The following SEZ6L variants were observed in gnomAD, a reference collection of about 807,000 sequenced individuals.
SEZ6L encodes seizure 6-like protein.
A neutral mutation model predicts 106.2 loss-of-function variants in SEZ6L; 37 were observed. The observed-to-expected ratio is 0.35, with a 90% CI of 0.27 to 0.46. The LOEUF (loss-of-function observed/expected upper bound fraction) is 0.46, where lower values mean the gene tolerates loss of function less well. SEZ6L is among the 20% of genes least tolerant of loss of function. The pLI is 1.00. For missense variants in SEZ6L, 1,172 were observed against 1,332.8 expected (o/e 0.88, Z 1.88); for synonymous variants, 541 against 570.4 (o/e 0.95, Z 0.73).
At chr22:26,288,212 A>G (rs1236720240) in intron 1 of SEZ6L, among the ~76,000 whole-genome samples, 5 of 152,236 alleles carry the variant, frequency 3.3e-5, no homozygotes, top group Non-Finnish European at 5.9e-5. Flanking sequence ...TGCCAACTGC[A>G]TCCTTAGGCA....
At chr22:26,287,597 A>G (rs1229583357) in intron 1 of SEZ6L, among the ~76,000 whole-genome samples, 1 of 152,168 alleles carries the variant, frequency 6.6e-6, no homozygotes, top group Non-Finnish European at 1.5e-5. Flanking sequence ...TTTTGTCCCC[A>G]TGATGTAAGT....
intron 1 of SEZ6L, among the ~76,000 whole-genome samples, chr22:26,221,138 A>G (rs1043222404): frequency 3.9e-5 from 6 of 152,196 alleles, no homozygotes; most frequent in African/African-American, 1.4e-4. Context: ...AGTATTAAAT[A>G]CAACCCAGAT....
At chr22:26,374,969 A>G (rs573762642) in intron 14 of SEZ6L, among the ~76,000 whole-genome samples, 24 of 152,248 alleles carry the variant, frequency 1.6e-4, no homozygotes, top group Admixed American at 3.3e-4. Context: ...TCAGTCCCCA[A>G]TGCTCAGAGC....
intron 5 of SEZ6L, among the ~76,000 whole-genome samples, chr22:26,304,745 C>T (rs892343830): frequency 6.6e-6 from 1 of 152,076 alleles, no homozygotes; most frequent in Admixed American, 6.5e-5. Context: ...GTATGGCACA[C>T]TATTTTCTAA....
Position 26,297,102 on chromosome 22 carries a change from T to G in SEZ6L, c.1162+22T>G, listed in dbSNP as rs768184059. 9.6e-6 allele frequency: 15 copies of G among 1,562,904 alleles called. No individual in the cohort carries two copies. In the South Asian group the frequency reaches 1.7e-4, roughly 17 times the overall value. ...CAGGGTAGGGTCAGGCCAAGGCTGATGAAACATAGGCGTTTGCCTCAGTTT... is the reference window on the plus strand; with the variant it reads ...CAGGGTAGGGTCAGGCCAAGGCTGAGGAAACATAGGCGTTTGCCTCAGTTT... On this transcript the variant is annotated intron_variant, in intron 4 of 16. Transcript: ENST00000248933.
chr22:26,192,386 G>A (rs887778790), intron 1 of SEZ6L, among the ~76,000 whole-genome samples: 2 of 152,042 alleles, frequency 1.3e-5, no homozygotes, highest in Non-Finnish European at 2.9e-5. Flanking sequence ...TTAAGAAGAA[G>A]TATTAAAGTT....
chr22:26,265,713 A>T (rs1188608889), intron 1 of SEZ6L, among the ~76,000 whole-genome samples: 1 of 152,222 alleles, frequency 6.6e-6, no homozygotes, highest in African/African-American at 2.4e-5. Context: ...GGGAACTCTG[A>T]GTTCTTCAAA....
In SEZ6L at chr22:26,313,801, G is replaced by C. The variant is rs942060873; in HGVS notation, c.1914G>C (p.Val638=). 18 of 1,612,648 alleles carry C rather than the reference G, an allele frequency of 1.1e-5. No individual in the cohort carries two copies. The highest frequency in any genetic ancestry group is 2.7e-5 in the African/African-American group (2 of 74,866). The change falls in exon 9 of 17, where the codon GTG becomes GTC. Residue 638 remains valine, a synonymous_variant. Coordinates refer to ENST00000248933, the MANE Select transcript of SEZ6L (RefSeq NM_021115.5). ...CGGELSAVAG[V]VLSPNWPEPY... ...GGGAGCTCTCTGCTGTGGCTGGGGT[G>C]GTATTGTCCCCAAACTGGCCCGAGC...
intron 11 of SEZ6L, among the ~76,000 whole-genome samples, chr22:26,349,164 C>T (rs982121020): frequency 1.3e-5 from 2 of 152,106 alleles, no homozygotes; most frequent in African/African-American, 4.8e-5. Flanking sequence ...GGGTCTCTCA[C>T]TTATCCTCCA....
At chr22:26,348,658 G>GAA (rs1290686808) in intron 11 of SEZ6L, among the ~76,000 whole-genome samples, 16 of 42,880 alleles carry the variant, frequency 3.7e-4, no homozygotes, top group African/African-American at 1.3e-3. Context: ...AAGAAAGAAA[G>GAA]AAAGAAAGAA....
chr22:26,331,878 G>C (rs1902225162), intron 9 of SEZ6L, among the ~76,000 whole-genome samples: 1 of 152,124 alleles, frequency 6.6e-6, no homozygotes, highest in African/African-American at 2.4e-5. Flanking sequence ...AGTTACTTGG[G>C]AGGCTGAGGC....
intron 1 of SEZ6L, among the ~76,000 whole-genome samples, chr22:26,273,711 C>T (rs1290604031): frequency 6.6e-6 from 1 of 152,166 alleles, no homozygotes; most frequent in African/African-American, 2.4e-5. Context: ...TGTTATGCAT[C>T]CCTGTGTCCC....
At chr22:26,378,415 G>T (rs991082340) in intron 16 of SEZ6L, among the ~76,000 whole-genome samples, 8 of 152,194 alleles carry the variant, frequency 5.3e-5, no homozygotes, top group Admixed American at 5.2e-4. Context: ...AGGATGCACA[G>T]CCTGAAGCCA....
intron 16 of SEZ6L, 45 bp from the exon 17 acceptor site, chr22:26,380,221 C>G (rs2084371497): frequency 1.2e-6 from 2 of 1,602,892 alleles, no homozygotes; most frequent in African/African-American, 1.3e-5. Flanking sequence ...GTATATCACT[C>G]TACCACACAA....
At chr22:26,352,862 A>G (rs1358267814) in intron 12 of SEZ6L, among the ~76,000 whole-genome samples, 3 of 152,184 alleles carry the variant, frequency 2.0e-5, no homozygotes, top group Non-Finnish European at 2.9e-5. Flanking sequence ...TGCTCTATTC[A>G]TGAGCCAGCC....
chr22:26,370,827 G>A (rs945294003), intron 13 of SEZ6L, among the ~76,000 whole-genome samples: 3 of 151,914 alleles, frequency 2.0e-5, no homozygotes, highest in African/African-American at 7.3e-5. Context: ...AAAATAGTGG[G>A]ACCTCATTTC....
intron 9 of SEZ6L, among the ~76,000 whole-genome samples, chr22:26,335,674 A>G (rs754875373): frequency 1.6e-4 from 24 of 152,222 alleles, no homozygotes; most frequent in Admixed American, 3.3e-4. Context: ...GTTCACAACT[A>G]GACCCAGGAA....
chr22:26,180,663 A>G (rs1312664407), intron 1 of SEZ6L, among the ~76,000 whole-genome samples: 1 of 152,210 alleles, frequency 6.6e-6, no homozygotes, highest in Non-Finnish European at 1.5e-5. Flanking sequence ...GTGTATTTAG[A>G]CATTTAAAAG....
chr22:26,366,797 T>G (rs183549436), intron 13 of SEZ6L, among the ~76,000 whole-genome samples: 8 of 152,328 alleles, frequency 5.3e-5, no homozygotes, highest in Admixed American at 3.9e-4. Context: ...AGTCTGGCAC[T>G]TTTGATTTTC....
Sources: gnomAD v4.1 joint callset for allele counts (sites outside exome capture counted in the v4.1 genomes callset) on GRCh38, gnomAD v4.1.1 for gene constraint, MANE v1.5 for transcripts, NCBI Gene and HGNC (gene_info 2026-07-23, HGNC 2026-07-21) for gene names.